The following HHAT variants were observed in gnomAD, a reference collection of about 807,000 sequenced individuals.
The protein encoded by HHAT is protein-cysteine N-palmitoyltransferase HHAT.
A neutral mutation model predicts 70.8 loss-of-function variants in HHAT; 47 were observed. That is an observed-to-expected ratio of 0.66 (90% CI 0.53 to 0.85). The LOEUF (loss-of-function observed/expected upper bound fraction) is 0.85, where lower values mean the gene tolerates loss of function less well. Among genes scored for constraint, HHAT ranks in the 40% least tolerant of loss-of-function variants. The pLI is 0.00. For missense variants in HHAT, 609 were observed against 604.8 expected, an observed-to-expected ratio of 1.01 and a Z score of -0.07; for synonymous variants, 228 against 247.6, an observed-to-expected ratio of 0.92 and a Z score of 0.74.
chr1:210,443,320 C>A (rs148483527), intron 7 of HHAT, among the ~76,000 whole-genome samples: 33,308 of 151,010 alleles, frequency 0.22, 3,765 homozygotes, highest in South Asian at 0.27. Context: ...ATTGACTTGG[C>A]GATGCGGGCT....
chr1:210,518,194 C>T, intron 9 of HHAT, among the ~76,000 whole-genome samples: 1 of 152,180 alleles, frequency 6.6e-6, no homozygotes, highest in East Asian at 1.9e-4. Context: ...CTTACTCTTC[C>T]TATCTAATTG....
At chr1:210,663,920 C>T (rs1019562352) in intron 11 of HHAT, among the ~76,000 whole-genome samples, 1 of 152,138 alleles carries the variant, frequency 6.6e-6, no homozygotes, top group Non-Finnish European at 1.5e-5. Flanking sequence ...CCTGAGAGGA[C>T]GTGAAAGTGA....
chr1:210,581,144 A>G (rs905467092), intron 9 of HHAT, among the ~76,000 whole-genome samples: 4 of 152,152 alleles, frequency 2.6e-5, no homozygotes, highest in African/African-American at 9.7e-5. Flanking sequence ...GTGTCTGTTC[A>G]TATCCTTTTC....
intron 8 of HHAT, among the ~76,000 whole-genome samples, chr1:210,492,280 C>G (rs1228239516): frequency 6.6e-6 from 1 of 152,174 alleles, no homozygotes; most frequent in Non-Finnish European, 1.5e-5. Flanking sequence ...TCTCTCCTAC[C>G]ATTTATGATA....
At chr1:210,592,019 A>G (rs1661831193) in intron 10 of HHAT, among the ~76,000 whole-genome samples, 1 of 152,040 alleles carries the variant, frequency 6.6e-6, no homozygotes. Flanking sequence ...TTTACTGTGC[A>G]AAAAACTTTT....
chr1:210,450,896 C>G (rs1312229790), intron 7 of HHAT, among the ~76,000 whole-genome samples: 1 of 151,904 alleles, frequency 6.6e-6, no homozygotes, highest in East Asian at 1.9e-4. Flanking sequence ...TCCTGGCTAA[C>G]ACGGTGAAAC....
At chr1:210,563,550 C>T (rs1473029738) in intron 9 of HHAT, among the ~76,000 whole-genome samples, 2 of 152,142 alleles carry the variant, frequency 1.3e-5, no homozygotes, top group African/African-American at 4.8e-5. Flanking sequence ...GGCACTCTTG[C>T]ACAGTGATTC....
intron 8 of HHAT, among the ~76,000 whole-genome samples, chr1:210,470,647 A>AT (rs1322447046): frequency 2.0e-5 from 3 of 151,880 alleles, no homozygotes; most frequent in Admixed American, 2.0e-4. Context: ...TGTGTGGAAG[A>AT]TTTTTTTTGG....
intron 3 of HHAT, among the ~76,000 whole-genome samples, chr1:210,384,329 C>T (rs1161387254): frequency 2.6e-5 from 4 of 152,112 alleles, no homozygotes; most frequent in African/African-American, 4.8e-5. Flanking sequence ...GTAGCAGCTT[C>T]GGAGTATGTG....
chr1:210,515,001 TG>T (rs1471970247), intron 9 of HHAT, among the ~76,000 whole-genome samples: 2 of 152,234 alleles, frequency 1.3e-5, no homozygotes, highest in Non-Finnish European at 2.9e-5. Flanking sequence ...TGACTGAGAC[TG>T]GTATCCCCTT....
intron 9 of HHAT, among the ~76,000 whole-genome samples, chr1:210,534,239 C>T (rs11119531): frequency 0.26 from 40,012 of 151,946 alleles, 6,456 homozygotes; most frequent in Non-Finnish European, 0.34. Context: ...TGGAGCCTGT[C>T]GAGTTTTCTT....
chr1:210,542,899 TTTTGATTG>T (rs1182474366), intron 9 of HHAT, among the ~76,000 whole-genome samples: 1 of 152,218 alleles, frequency 6.6e-6, no homozygotes, highest in Non-Finnish European at 1.5e-5. Flanking sequence ...TCTGTATATA[TTTTGATTG>T]TTTGATTGTT....
intron 7 of HHAT, among the ~76,000 whole-genome samples, chr1:210,422,699 A>G (rs2092941799): frequency 6.6e-6 from 1 of 151,926 alleles, no homozygotes; most frequent in African/African-American, 2.4e-5. Context: ...GTGCAGTGGC[A>G]TGACCTCGGC....
chr1:210,415,480 A>T (rs1178844204), intron 6 of HHAT, among the ~76,000 whole-genome samples: 1 of 152,238 alleles, frequency 6.6e-6, no homozygotes, highest in Non-Finnish European at 1.5e-5. Context: ...ATATCCAAGG[A>T]TACCCAATCT....
At chr1:210,386,922 G>T (rs2091119844) in intron 3 of HHAT, among the ~76,000 whole-genome samples, 1 of 152,156 alleles carries the variant, frequency 6.6e-6, no homozygotes, top group Non-Finnish European at 1.5e-5. Context: ...TATGAACTTA[G>T]TTAATTTCTC....
chr1:210,481,361 A>G (rs775540528), intron 8 of HHAT, among the ~76,000 whole-genome samples: 6 of 152,096 alleles, frequency 3.9e-5, no homozygotes, highest in Non-Finnish European at 7.4e-5. Flanking sequence ...TTCACATTGA[A>G]CTCATGGCCA....
At chr1:210,510,159 T>C (rs551485396) in intron 8 of HHAT, among the ~76,000 whole-genome samples, 10 of 152,150 alleles carry the variant, frequency 6.6e-5, no homozygotes, top group Non-Finnish European at 1.3e-4. Context: ...GTAGGTGGTG[T>C]GCTAAAGCTT....
intron 8 of HHAT, among the ~76,000 whole-genome samples, chr1:210,474,828 T>A (rs1383570198): frequency 1.3e-5 from 2 of 151,618 alleles, no homozygotes; most frequent in Non-Finnish European, 2.9e-5. Flanking sequence ...AGGTGTTTTT[T>A]TTTTTTTCCG....
chr1:210,625,729 T>C (rs907118502), intron 11 of HHAT, among the ~76,000 whole-genome samples: 2 of 152,260 alleles, frequency 1.3e-5, no homozygotes, highest in African/African-American at 4.8e-5. Context: ...TTTGTTTCTC[T>C]GACAGTTCAA....
Sources: allele counts gnomAD v4.1 joint callset (sites outside exome capture counted in the v4.1 genomes callset), GRCh38; gene constraint gnomAD v4.1.1; transcripts MANE v1.5; gene names NCBI Gene and HGNC (gene_info 2026-07-23, HGNC 2026-07-21).